Variants in DPYS observed in about 807,000 individuals in gnomAD.
DPYS encodes the protein dihydropyrimidine amidohydrolase.
A neutral mutation model predicts 50.3 loss-of-function variants in DPYS; 39 were observed. The observed-to-expected ratio is 0.78, with a 90% CI of 0.60 to 1.01. The LOEUF is 1.01. DPYS is among the 50% of genes least tolerant of loss of function. The probability of loss-of-function intolerance (pLI) is 0.00; values close to 1 mark genes in which losing one functional copy is unlikely to be tolerated. For missense variants in DPYS, 659 were observed against 680.9 expected (o/e 0.97, Z 0.36); for synonymous variants, 245 against 250.7 (o/e 0.98, Z 0.22).
chr8:104,466,589 G>A (rs1260638226), intron 1 of DPYS, 68 bp downstream of exon 1: 5 of 1,443,290 alleles, frequency 3.5e-6, no homozygotes, highest in African/African-American at 1.5e-5. Flanking sequence ...TGAGGACCCC[G>A]GGACGACTGG....
At chr8:104,425,120 G>T (rs922547789) in intron 6 of DPYS, among the ~76,000 whole-genome samples, 11 of 152,136 alleles carry the variant, frequency 7.2e-5, no homozygotes, top group African/African-American at 2.6e-4. Context: ...GTGAGCCACT[G>T]CACCCAGCTG....
intron 7 of DPYS, chr8:104,420,453 T>C (rs1161131064): frequency 2.0e-5 from 3 of 152,126 alleles, no homozygotes; most frequent in Admixed American, 6.5e-5. Flanking sequence ...CGCTTTCTCC[T>C]TGAATTCTTC....
At chr8:104,404,110 C>T (rs545708692) in intron 7 of DPYS, among the ~76,000 whole-genome samples, 6 of 152,196 alleles carry the variant, frequency 3.9e-5, no homozygotes, top group African/African-American at 1.4e-4. Context: ...TTAATCCTCA[C>T]AATGAACCTA....
At chr8:104,452,305 T>C (rs1380053868) in intron 1 of DPYS, among the ~76,000 whole-genome samples, 1 of 152,242 alleles carries the variant, frequency 6.6e-6, no homozygotes, top group Admixed American at 6.5e-5. Context: ...TTGTTTTTAA[T>C]TGTTGTATTC....
In DPYS at chr8:104,444,447, C is replaced by A; in HGVS notation, c.604-10G>T. 6.2e-7 allele frequency: 1 copy of A among 1,614,104 alleles called. No homozygotes were observed. Among genetic ancestry groups the A allele is most frequent in the Non-Finnish European group, 8.5e-7 (1 of 1,180,030 alleles). On this transcript the variant is annotated splice_polypyrimidine_tract_variant and intron_variant, in intron 3 of 9. Transcript: ENST00000351513. ...ACATCTTCTTTGCTCCCTAAAAAGA[C>A]AGCAGGAATGTGTATATGTGCAAGG...
rs563407231 is a variant in DPYS at position 104,462,211 on chromosome 8, A to C, written c.264+4446T>G. Among the ~76,000 whole-genome samples, 9 of 152,300 alleles carry C rather than the reference A, an allele frequency of 5.9e-5. No homozygotes were observed. In the South Asian group the frequency reaches 1.9e-3, roughly 32 times the overall value. Reference sequence around the variant, plus strand: ...CTCATTCACAGACAAGAAAATGCTGACAATCCTGAGAGAGGAAATTACTTG... The same window carrying C: ...CTCATTCACAGACAAGAAAATGCTGCCAATCCTGAGAGAGGAAATTACTTG... On this transcript the variant is annotated intron_variant, in intron 1 of 9. Transcript: ENST00000351513.
Position 104,393,001 on chromosome 8 carries a change from T to C in DPYS, c.1236-10A>G. Reference sequence around the variant, plus strand: ...TTTTGCTGAGATAGTCCTATATTTGTGAAAACAACAAAAAAGTTCTGGATC... The same window carrying C: ...TTTTGCTGAGATAGTCCTATATTTGCGAAAACAACAAAAAAGTTCTGGATC... On this transcript the variant is annotated splice_polypyrimidine_tract_variant and intron_variant, in intron 7 of 9. Coordinates refer to ENST00000351513, the MANE Select transcript of DPYS (RefSeq NM_001385.3). 6.2e-7 allele frequency: 1 copy of C among 1,613,642 alleles called. No individual in the cohort carries two copies. The highest frequency in any genetic ancestry group is 1.7e-5 in the Admixed American group (1 of 60,012).
intron 7 of DPYS, among the ~76,000 whole-genome samples, chr8:104,423,237 A>G (rs1812605169): frequency 6.6e-6 from 1 of 152,154 alleles, no homozygotes; most frequent in Non-Finnish European, 1.5e-5. Flanking sequence ...CTTGCTTGCT[A>G]TGACTACGGC....
intron 2 of DPYS, among the ~76,000 whole-genome samples, chr8:104,448,200 G>A (rs537035185): frequency 3.3e-5 from 5 of 149,614 alleles, no homozygotes; most frequent in Admixed American, 6.7e-5. Context: ...CTGTTGCCCA[G>A]GCTGGAGTGC....
chr8:104,398,368 G>A (rs1287905166), intron 7 of DPYS, among the ~76,000 whole-genome samples: 24 of 152,212 alleles, frequency 1.6e-4, no homozygotes, highest in Admixed American at 1.6e-3. Context: ...CTAGGAGCAG[G>A]AGCAGAGCTC....
intron 1 of DPYS, among the ~76,000 whole-genome samples, chr8:104,454,991 C>T (rs1485378094): frequency 6.6e-6 from 1 of 152,172 alleles, no homozygotes; most frequent in Non-Finnish European, 1.5e-5. Context: ...ACAGTAGGTA[C>T]TATGGTTAAC....
Position 104,466,904 on chromosome 8 carries a change from C to A in DPYS, c.17G>T (p.Arg6Leu). 1.3e-6 allele frequency: 2 copies of A among 1,499,708 alleles called. No individual in the cohort carries two copies. The highest frequency in any genetic ancestry group is 2.1e-4 in the Middle Eastern group (1 of 4,782). The allele number at this position is 1,499,708 out of a possible 1,614,324, so 92.9% of individuals were successfully genotyped here. A position where few individuals can be genotyped will look rare whatever the true frequency, so the allele number is the denominator to read the frequency against. The change falls in exon 1 of 10, where the codon CGG becomes CTG. Residue 6 changes from arginine (R) to leucine (L), a missense_variant. Coordinates refer to ENST00000351513, the MANE Select transcript of DPYS (RefSeq NM_001385.3). Reference protein sequence around the residue: MAAPSRLLIRGGRVVN... With the variant: MAAPSLLLIRGGRVVN... ...CACGCGACCCCCGCGGATCAGGAGCCGCGAGGGCGCCGCCATAGCGAGGGG... is the reference window on the plus strand; with the variant it reads ...CACGCGACCCCCGCGGATCAGGAGCAGCGAGGGCGCCGCCATAGCGAGGGG...
At chr8:104,422,494 C>G (rs532770673) in intron 7 of DPYS, among the ~76,000 whole-genome samples, 1 of 152,128 alleles carries the variant, frequency 6.6e-6, no homozygotes, top group Non-Finnish European at 1.5e-5. Flanking sequence ...TGTACAGCTA[C>G]CGTTTTCTCA....
chr8:104,444,492 T>C, intron 3 of DPYS, 55 bp from the exon 4 acceptor site: 11 of 1,591,138 alleles, frequency 6.9e-6, no homozygotes, highest in African/African-American at 2.7e-5. Context: ...TAATGACAGA[T>C]ATCATTATTT....
In DPYS at chr8:104,381,300, G is replaced by A; in HGVS notation, c.1458C>T (p.Thr486=). The A allele has an allele frequency of 6.2e-7, 1 of 1,614,038 alleles. No homozygotes were observed. The highest frequency in any genetic ancestry group is 8.5e-7 in the Non-Finnish European group (1 of 1,179,970). Residue 486 remains threonine (T), a synonymous_variant, in exon 9 of 10, where the codon ACC becomes ACT. Coordinates refer to ENST00000351513, the MANE Select transcript of DPYS (RefSeq NM_001385.3). ...IKQRDRTCTP[T]PVERAPYKGE... Reference sequence around the variant, plus strand: ...CCTTATAGGGTGCACGCTCCACAGGGGTAGGTGTGCAAGTCTGAAAGAGAA... The same window carrying A: ...CCTTATAGGGTGCACGCTCCACAGGAGTAGGTGTGCAAGTCTGAAAGAGAA...
chr8:104,407,602 C>G (rs969366074), intron 7 of DPYS, among the ~76,000 whole-genome samples: 1 of 152,060 alleles, frequency 6.6e-6, no homozygotes, highest in South Asian at 2.1e-4. Flanking sequence ...TTAGGCCATG[C>G]ATACAATTTA....
intron 7 of DPYS, among the ~76,000 whole-genome samples, chr8:104,401,162 T>C (rs1811791609): frequency 1.3e-5 from 2 of 152,190 alleles, no homozygotes; most frequent in African/African-American, 4.8e-5. Flanking sequence ...AAAAAGTTAA[T>C]AGAATCATGT....
intron 8 of DPYS, among the ~76,000 whole-genome samples, chr8:104,383,882 G>A (rs1385438198): frequency 6.6e-6 from 1 of 152,038 alleles, no homozygotes; most frequent in African/African-American, 2.4e-5. Context: ...GATTACAGGC[G>A]TGAGCCACTG....
At position 104,448,807 on chromosome 8, in the gene DPYS, T is replaced by C. The variant is rs766949590; in HGVS notation, c.424-1304A>G. Among the ~76,000 whole-genome samples, 54 of 152,212 alleles carry C rather than the reference T, an allele frequency of 3.5e-4. 1 individual carries two copies. Among genetic ancestry groups the C allele is most frequent in the Non-Finnish European group, 3.1e-4 (21 of 68,034 alleles). On this transcript the variant is annotated intron_variant, in intron 2 of 9. Coordinates refer to ENST00000351513, the MANE Select transcript of DPYS (RefSeq NM_001385.3). ...CTATTGAGTCAGCAAAGTTTAAGAA[T>C]GATAATATTACACGTGAATTTACTC...
Sources: allele counts gnomAD v4.1 joint callset (sites outside exome capture counted in the v4.1 genomes callset), GRCh38; gene constraint gnomAD v4.1.1; transcripts MANE v1.5; gene names NCBI Gene and HGNC (gene_info 2026-07-23, HGNC 2026-07-21).